S100Z: variants seen among roughly 807,000 people sequenced by gnomAD.
S100Z encodes protein S100-Z.
A neutral mutation model predicts 8.5 loss-of-function variants in S100Z; 11 were observed. The observed-to-expected ratio is 1.30, with a 90% confidence interval of 0.82 to 2.15. The LOEUF (loss-of-function observed/expected upper bound fraction) is 2.15, where lower values mean the gene tolerates loss of function less well. Ranked by LOEUF, S100Z falls within the 30% of genes most tolerant of loss-of-function variation. The probability of loss-of-function intolerance (pLI) is 0.00; values close to 1 mark genes in which losing one functional copy is unlikely to be tolerated. For missense variants in S100Z, 126 were observed against 117.9 expected, an observed-to-expected ratio of 1.07 and a Z score of -0.32; for synonymous variants, 34 against 43.8, an observed-to-expected ratio of 0.78 and a Z score of 0.89.
intron 4 of S100Z, among the ~76,000 whole-genome samples, chr5:76,896,974 G>A (rs1167672952): frequency 2.0e-5 from 3 of 152,026 alleles, no homozygotes; most frequent in Non-Finnish European, 4.4e-5. Flanking sequence ...GTAGGTGTGG[G>A]GATTTGTTTC....
At chr5:76,883,766 C>T (rs1053326530) in intron 4 of S100Z, among the ~76,000 whole-genome samples, 19 of 152,198 alleles carry the variant, frequency 1.2e-4, no homozygotes, top group African/African-American at 4.6e-4. Flanking sequence ...ACTGGGGTCC[C>T]GCACAGATGG....
intron 1 of S100Z, among the ~76,000 whole-genome samples, chr5:76,867,532 G>A (rs1742805966): frequency 6.6e-6 from 1 of 150,386 alleles, no homozygotes; most frequent in East Asian, 1.9e-4. Context: ...TTCTCCTTTT[G>A]CTCCCACCTT....
intron 4 of S100Z, among the ~76,000 whole-genome samples, chr5:76,894,878 C>G (rs922346010): frequency 6.6e-6 from 1 of 151,998 alleles, no homozygotes; most frequent in African/African-American, 2.4e-5. Flanking sequence ...TGTGAGCCAC[C>G]GCGCCCACCC....
chr5:76,882,685 A>G (rs868429669), intron 4 of S100Z, among the ~76,000 whole-genome samples: 22 of 152,250 alleles, frequency 1.4e-4, no homozygotes, highest in African/African-American at 4.8e-4. Context: ...TTATGTCGAG[A>G]TAGGTAATGG....
chr5:76,892,269 G>A (rs761269863), intron 4 of S100Z, among the ~76,000 whole-genome samples: 2 of 152,040 alleles, frequency 1.3e-5, no homozygotes, highest in Admixed American at 6.5e-5. Context: ...AGATGAGATC[G>A]GTAGGATGGT....
At chr5:76,945,445 C>T in the S100Z span, among the ~76,000 whole-genome samples, 2 of 152,112 alleles carry the variant, frequency 1.3e-5, no homozygotes, top group African/African-American at 4.8e-5. Flanking sequence ...GTCTCTGTCT[C>T]CTGCCTGCCC....
rs372979198 is a variant in S100Z at position 76,863,405 on chromosome 5, C to T, written c.-175-6761C>T. Among the ~76,000 whole-genome samples, 226 of 152,310 alleles carry T rather than the reference C, an allele frequency of 1.5e-3. 1 individual carries two copies. Among genetic ancestry groups the T allele is most frequent in the African/African-American group, 5.0e-3 (207 of 41,562 alleles). ...CATTTAGCCCAAGGTTGTCATTTTA[C>T]GCTTGTGAAAAAGGAGGCCCATTTA... is the stretch of plus-strand genomic sequence containing the variant. On this transcript the variant is annotated intron_variant, in intron 1 of 4. Coordinates refer to ENST00000317593, the MANE Select transcript of S100Z (RefSeq NM_130772.4).
At chr5:76,904,660 CATT>C (rs1744362443) in intron 4 of S100Z, among the ~76,000 whole-genome samples, 1 of 151,908 alleles carries the variant, frequency 6.6e-6, no homozygotes, top group Non-Finnish European at 1.5e-5. Flanking sequence ...TGAGATAAAA[CATT>C]ATGCTTTTTG....
chr5:76,947,761 G>A, the S100Z span, among the ~76,000 whole-genome samples: 1 of 152,062 alleles, frequency 6.6e-6, no homozygotes, highest in Admixed American at 6.6e-5. Flanking sequence ...TATACAATGG[G>A]GAAAGGATAA....
intron 4 of S100Z, among the ~76,000 whole-genome samples, chr5:76,919,439 A>G (rs1466170006): frequency 6.6e-6 from 1 of 151,950 alleles, no homozygotes; most frequent in Non-Finnish European, 1.5e-5. Flanking sequence ...TCCTAATGAC[A>G]TATTTTGTGG....
In S100Z at chr5:76,860,263, C is replaced by T. The variant is rs1751018023; in HGVS notation, c.-175-9903C>T. ...CTCTGCTTGACTCTGCAGCCATTGCCACTGTAGCCAGTATAGATGCTACAT... is the reference window on the plus strand; with the variant it reads ...CTCTGCTTGACTCTGCAGCCATTGCTACTGTAGCCAGTATAGATGCTACAT... On this transcript the variant is annotated intron_variant, in intron 1 of 4. Transcript: ENST00000317593. Among the ~76,000 whole-genome samples the T allele has an allele frequency of 2.6e-5, 4 of 152,272 alleles. No individual in the cohort carries two copies. In the South Asian group the frequency reaches 8.3e-4, roughly 32 times the overall value.
chr5:76,878,657 G>A (rs1193142190), intron 4 of S100Z, among the ~76,000 whole-genome samples: 1 of 152,202 alleles, frequency 6.6e-6, no homozygotes. Flanking sequence ...GAAAGGGAGT[G>A]ATATGATTAT....
intron 4 of S100Z, among the ~76,000 whole-genome samples, chr5:76,913,708 C>G (rs1012111701): frequency 2.6e-5 from 4 of 152,226 alleles, no homozygotes; most frequent in African/African-American, 7.2e-5. Flanking sequence ...CAAATAGACT[C>G]TTCGGCGGCA....
Position 76,921,257 on chromosome 5 carries a change from G to A in S100Z, c.*543G>A, listed in dbSNP as rs1442063411. 1 of 151,986 alleles carries A rather than the reference G, an allele frequency of 6.6e-6. No individual in the cohort carries two copies. Among genetic ancestry groups the A allele is most frequent in the Non-Finnish European group, 1.5e-5 (1 of 68,002 alleles). The allele number at this position is 151,986 out of a possible 1,614,324, so 9.4% of individuals were successfully genotyped here. On this transcript the variant is annotated 3_prime_UTR_variant, in exon 5 of 5. Coordinates refer to ENST00000317593, the MANE Select transcript of S100Z (RefSeq NM_130772.4). The stretch of plus-strand genomic sequence containing the variant: ...TTTTTGTCTGAATAGTATTTTCATT[G>A]ATATATCACAATATATTTACTCCAA...
the S100Z span, among the ~76,000 whole-genome samples, chr5:76,927,306 T>C: frequency 6.6e-6 from 1 of 152,132 alleles, no homozygotes; most frequent in African/African-American, 2.4e-5. Context: ...CTTCAACTCA[T>C]ACCATGTTCC....
the S100Z span, among the ~76,000 whole-genome samples, chr5:76,945,160 G>A: frequency 5.3e-5 from 8 of 152,314 alleles, no homozygotes; most frequent in African/African-American, 1.9e-4. Context: ...TGTGCAGGAT[G>A]TGCCTTGTTA....
At chr5:76,944,886 T>G in the S100Z span, among the ~76,000 whole-genome samples, 1 of 152,224 alleles carries the variant, frequency 6.6e-6, no homozygotes, top group Admixed American at 6.5e-5. Flanking sequence ...TGAGGGATGT[T>G]AAATGGCATT....
At chr5:76,880,937 A>G (rs1743382809) in intron 4 of S100Z, among the ~76,000 whole-genome samples, 1 of 152,166 alleles carries the variant, frequency 6.6e-6, no homozygotes. Context: ...AAAGCCAGCA[A>G]TTGTTTGTTA....
chr5:76,875,432 A>G lies in S100Z; in HGVS notation c.73A>G (p.Lys25Glu). 6.2e-7 allele frequency: 1 copy of G among 1,613,286 alleles called. No individual in the cohort carries two copies. The highest frequency in any genetic ancestry group is 8.5e-7 in the Non-Finnish European group (1 of 1,179,658). Residue 25 changes from lysine to glutamate, a missense_variant, in exon 3 of 5, where the codon AAG becomes GAG. Coordinates refer to ENST00000317593, the MANE Select transcript of S100Z (RefSeq NM_130772.4). ...CCACCGCTATTCTGGCAAGGAAAGG[A>G]AGAGATTCAAGCTCAGCAAGGGGGA... ...IFHRYSGKERKRFKLSKGELK... is the reference protein window; with the variant it reads ...IFHRYSGKERERFKLSKGELK...
Sources: allele counts gnomAD v4.1 joint callset (sites outside exome capture counted in the v4.1 genomes callset), GRCh38; gene constraint gnomAD v4.1.1; transcripts MANE v1.5; gene names NCBI Gene and HGNC (gene_info 2026-07-23, HGNC 2026-07-21).